Variants in CNTNAP2 observed in about 807,000 individuals in gnomAD.
The protein encoded by CNTNAP2 is contactin associated protein 2.
A neutral mutation model predicts 155.2 loss-of-function variants in CNTNAP2; 98 were observed. The ratio of observed to expected loss-of-function variants is 0.63; its 90% CI spans 0.54 to 0.75. The LOEUF (loss-of-function observed/expected upper bound fraction) is 0.75. Among genes scored for constraint, CNTNAP2 ranks in the 30% least tolerant of loss-of-function variants. The pLI is 0.00. For synonymous variants in CNTNAP2, 651 were observed against 631.2 expected (o/e 1.03, Z -0.47); for missense variants, 1,727 against 1,688.1 (o/e 1.02, Z -0.40).
At chr7:146,825,434 A>G (rs1803381631) in intron 2 of CNTNAP2, among the ~76,000 whole-genome samples, 1 of 152,064 alleles carries the variant, frequency 6.6e-6, no homozygotes, top group Non-Finnish European at 1.5e-5. Flanking sequence ...GAAGGGAATC[A>G]CTCACTATGC....
intron 1 of CNTNAP2, among the ~76,000 whole-genome samples, chr7:146,703,189 A>G (rs1053295945): frequency 7.2e-5 from 11 of 152,154 alleles, no homozygotes; most frequent in African/African-American, 2.7e-4. Flanking sequence ...TAACACTATT[A>G]TTTTCAGCTC....
intron 13 of CNTNAP2, among the ~76,000 whole-genome samples, chr7:147,690,692 T>C (rs1796075642): frequency 6.6e-6 from 1 of 152,180 alleles, no homozygotes; most frequent in African/African-American, 2.4e-5. Flanking sequence ...ACAGTTTTTA[T>C]GTATATATGC....
chr7:146,455,611 A>G (rs1003923994), intron 1 of CNTNAP2, among the ~76,000 whole-genome samples: 1 of 152,190 alleles, frequency 6.6e-6, no homozygotes, highest in Admixed American at 6.5e-5. Flanking sequence ...AATGTTTATA[A>G]TTTAAAATTC....
intron 15 of CNTNAP2, among the ~76,000 whole-genome samples, chr7:148,027,897 G>A (rs7780285): frequency 0.043 from 6,570 of 152,114 alleles, 183 homozygotes; most frequent in South Asian, 0.12. Flanking sequence ...TTTGATGATC[G>A]TAAAATGACA....
chr7:147,433,854 G>A (rs912637999), intron 10 of CNTNAP2, among the ~76,000 whole-genome samples: 1 of 152,110 alleles, frequency 6.6e-6, no homozygotes, highest in Non-Finnish European at 1.5e-5. Context: ...GTATGACCTT[G>A]GTAGGAACAA....
At chr7:147,531,891 T>C (rs113319549) in intron 11 of CNTNAP2, among the ~76,000 whole-genome samples, 27,370 of 150,872 alleles carry the variant, frequency 0.18, 2,709 homozygotes, top group Admixed American at 0.25. Flanking sequence ...ACTGCAAGCT[T>C]CAACTCCTGG....
chr7:146,701,502 T>A (rs1800877498), intron 1 of CNTNAP2, among the ~76,000 whole-genome samples: 1 of 152,206 alleles, frequency 6.6e-6, no homozygotes, highest in Admixed American at 6.6e-5. Flanking sequence ...TAAAAATATA[T>A]ATTCTTCCAG....
rs765544682 is a variant in CNTNAP2, at chr7:147,102,179, A to G, written c.551-5968A>G. Among the ~76,000 whole-genome samples the G allele has an allele frequency of 7.2e-5, 11 of 151,842 alleles. No homozygotes were observed. The East Asian group carries it at 2.1e-3, about 29-fold the overall frequency. On this transcript the variant is annotated intron_variant, in intron 4 of 23. Transcript: ENST00000361727. The stretch of plus-strand genomic sequence containing the variant: ...TTGAAATATCAAATTTCAATTAACA[A>G]TCATTGCACCTCAAATGAACTCATT...
At chr7:147,430,427 C>T (rs187844559) in intron 10 of CNTNAP2, among the ~76,000 whole-genome samples, 209 of 152,208 alleles carry the variant, frequency 1.4e-3, no homozygotes, top group Admixed American at 2.4e-3. Flanking sequence ...TTAGAGAAAC[C>T]TGTATTCTAA....
chr7:146,995,837 G>A lies in CNTNAP2; in HGVS notation c.403-48070G>A, dbSNP rs1249652116. Reference sequence around the variant, plus strand: ...CATTCAGTAGGTTGTTTCTTCTGTCGATTTTCTCCTTTGCTATGCAGAAAC... The same window carrying A: ...CATTCAGTAGGTTGTTTCTTCTGTCAATTTTCTCCTTTGCTATGCAGAAAC... On this transcript the variant is annotated intron_variant, in intron 3 of 23. Coordinates refer to ENST00000361727, the MANE Select transcript of CNTNAP2 (RefSeq NM_014141.6). Among the ~76,000 whole-genome samples, 6 of 151,880 alleles carry A rather than the reference G, an allele frequency of 4.0e-5. No individual in the cohort carries two copies. In the East Asian group the frequency reaches 7.7e-4, roughly 20 times the overall value.
intron 1 of CNTNAP2, among the ~76,000 whole-genome samples, chr7:146,556,961 A>G (rs9640471): frequency 0.022 from 3,321 of 152,208 alleles, 82 homozygotes; most frequent in Non-Finnish European, 0.027. Context: ...ATTCTGGTTG[A>G]TTAAACACAC....
chr7:146,465,670 G>C (rs952174350), intron 1 of CNTNAP2, among the ~76,000 whole-genome samples: 2 of 152,148 alleles, frequency 1.3e-5, no homozygotes, highest in Non-Finnish European at 1.5e-5. Flanking sequence ...TTAAAAATGG[G>C]ATCTTCTGAG....
chr7:147,076,031 T>C (rs984544187), intron 4 of CNTNAP2, among the ~76,000 whole-genome samples: 1 of 152,184 alleles, frequency 6.6e-6, no homozygotes, highest in African/African-American at 2.4e-5. Context: ...CAGTCTATCA[T>C]TGATGGACAT....
chr7:146,729,782 C>T (rs1801493003), intron 1 of CNTNAP2, among the ~76,000 whole-genome samples: 1 of 152,068 alleles, frequency 6.6e-6, no homozygotes, highest in African/African-American at 2.4e-5. Context: ...CTCTCTAAAA[C>T]CCTCGGAAAG....
At chr7:146,364,632 C>G (rs1192297446) in intron 1 of CNTNAP2, among the ~76,000 whole-genome samples, 1 of 152,114 alleles carries the variant, frequency 6.6e-6, no homozygotes, top group Non-Finnish European at 1.5e-5. Context: ...CTCCGTATGA[C>G]TACTATAAAT....
At chr7:147,414,432 TAAA>T (rs55692955) in intron 10 of CNTNAP2, among the ~76,000 whole-genome samples, 399 of 121,886 alleles carry the variant, frequency 3.3e-3, no homozygotes, top group East Asian at 6.5e-3. Context: ...TCAAAAACAT[TAAA>T]AAAAAAAAAA....
chr7:148,150,853 C>T (rs1805283631), intron 17 of CNTNAP2, among the ~76,000 whole-genome samples: 1 of 152,014 alleles, frequency 6.6e-6, no homozygotes, highest in South Asian at 2.1e-4. Context: ...AAGGGATCCT[C>T]CCACCTCAGT....
At chr7:147,394,071 C>T (rs2116450544) in intron 9 of CNTNAP2, among the ~76,000 whole-genome samples, 1 of 152,086 alleles carries the variant, frequency 6.6e-6, no homozygotes, top group East Asian at 1.9e-4. Flanking sequence ...CCCATAATCC[C>T]TGTATGTCAT....
chr7:147,313,871 G>A (rs969014954), intron 9 of CNTNAP2, among the ~76,000 whole-genome samples: 186 of 151,182 alleles, frequency 1.2e-3, no homozygotes, highest in African/African-American at 4.3e-3. Flanking sequence ...CCATTTTCAC[G>A]ATATTGATTC....
Sources: allele counts gnomAD v4.1 joint callset (sites outside exome capture counted in the v4.1 genomes callset), GRCh38; gene constraint gnomAD v4.1.1; transcripts MANE v1.5; gene names NCBI Gene and HGNC (gene_info 2026-07-23, HGNC 2026-07-21).